Variants in UGGT2 observed in about 807,000 individuals in gnomAD.
The protein encoded by UGGT2 is UDP-glucose:glycoprotein glucosyltransferase 2.
Under a neutral mutation model 192.1 loss-of-function variants are expected in UGGT2, and 180 were observed. The ratio of observed to expected loss-of-function variants is 0.94; its 90% confidence interval spans 0.83 to 1.06. The LOEUF (loss-of-function observed/expected upper bound fraction) is 1.06, where lower values mean the gene tolerates loss of function less well. Among genes scored for constraint, UGGT2 ranks in the 50% least tolerant of loss-of-function variants. The pLI, the probability that UGGT2 is intolerant of heterozygous loss-of-function variation, is 0.00. For missense variants in UGGT2, 1,849 were observed against 1,795.7 expected, an observed-to-expected ratio of 1.03 and a Z score of -0.54; for synonymous variants, 580 against 591.0, an observed-to-expected ratio of 0.98 and a Z score of 0.27.
At chr13:95,833,766 T>C (rs1378374586) in intron 37 of UGGT2, among the ~76,000 whole-genome samples, 1 of 152,168 alleles carries the variant, frequency 6.6e-6, no homozygotes, top group Non-Finnish European at 1.5e-5. Context: ...CACCAGTACC[T>C]TTGGCTTGAG....
At chr13:95,825,131 TG>T (rs1885894001) in intron 38 of UGGT2, among the ~76,000 whole-genome samples, 1 of 152,142 alleles carries the variant, frequency 6.6e-6, no homozygotes. Context: ...CTATCTCCTA[TG>T]GAATTGTAAT....
intron 27 of UGGT2, among the ~76,000 whole-genome samples, chr13:95,883,396 G>T (rs575985416): frequency 5.3e-4 from 81 of 152,216 alleles, no homozygotes; most frequent in African/African-American, 1.8e-3. Flanking sequence ...AGGACAATAA[G>T]GAGAAGGAAG....
At position 95,947,061 on chromosome 13, in the gene UGGT2, T is replaced by C; in HGVS notation, c.1653A>G (p.Ser551=). 6.2e-7 allele frequency: 1 copy of C among 1,605,400 alleles called. No individual in the cohort carries two copies. The highest frequency in any genetic ancestry group is 8.5e-7 in the Non-Finnish European group (1 of 1,177,774). ...FNYIAEEFDI[S]EAFISIVHMY... ...CGTGTACTATAGAAATAAATGCTTC[T>C]GATATATCAAATTCTTCTGCAATAT... is the stretch of plus-strand genomic sequence containing the variant. Residue 551 remains serine (S), a synonymous_variant, in exon 15 of 39, where the codon TCA becomes TCG. Coordinates refer to ENST00000376747, the MANE Select transcript of UGGT2 (RefSeq NM_020121.4).
At chr13:95,985,673 C>T (rs2140878719) in intron 9 of UGGT2, among the ~76,000 whole-genome samples, 1 of 152,230 alleles carries the variant, frequency 6.6e-6, no homozygotes, top group South Asian at 2.1e-4. Context: ...TAATTTTATA[C>T]TCTGTCATCC....
chr13:95,928,095 C>T (rs992404657), intron 17 of UGGT2, among the ~76,000 whole-genome samples: 4 of 152,214 alleles, frequency 2.6e-5, no homozygotes, highest in African/African-American at 7.2e-5. Flanking sequence ...AATCTGATCT[C>T]TCTTTCTTTT....
At chr13:95,854,237 G>C in intron 35 of UGGT2, 78 bp downstream of exon 35, 1 of 1,476,872 alleles carries the variant, frequency 6.8e-7, no homozygotes, top group Non-Finnish European at 9.1e-7. Context: ...AGAAAACTGT[G>C]TAATTTTTAA....
At chr13:95,909,831 C>G (rs963643552) in intron 20 of UGGT2, among the ~76,000 whole-genome samples, 9 of 133,276 alleles carry the variant, frequency 6.8e-5, no homozygotes, top group Middle Eastern at 0.01. Context: ...CTGTTAAGGG[C>G]AACCAGAGAG....
At chr13:95,846,900 G>A (rs1050897720) in intron 36 of UGGT2, among the ~76,000 whole-genome samples, 3 of 150,956 alleles carry the variant, frequency 2.0e-5, no homozygotes, top group Non-Finnish European at 4.4e-5. Flanking sequence ...TCTGTGTGCT[G>A]TCATGTCTCA....
chr13:95,932,378 T>C (rs186364708), intron 17 of UGGT2, among the ~76,000 whole-genome samples: 77 of 149,572 alleles, frequency 5.1e-4, no homozygotes, highest in African/African-American at 1.8e-3. Flanking sequence ...GGGACTGCAT[T>C]CTTGATTTGG....
In UGGT2 at chr13:95,887,936, C is replaced by A; in HGVS notation, c.2994G>T (p.Leu998Phe). 1 of 1,603,950 alleles carries A rather than the reference C, an allele frequency of 6.2e-7. No homozygotes were observed. The highest frequency in any genetic ancestry group is 1.3e-5 in the African/African-American group (1 of 74,854). ...LGKIINMKIK[L>F]FMNCRGRLSE... The stretch of plus-strand genomic sequence containing the variant: ...AAAGCCTGCCCCTACAGTTCATGAA[C>A]AACTTTATCTTCATGTTGATAATCT... Residue 998 changes from leucine (L) to phenylalanine (F), a missense_variant, in exon 26 of 39, where the codon TTG becomes TTT. By Grantham distance (22) the Leu-to-Phe change is conservative. Coordinates refer to ENST00000376747, the MANE Select transcript of UGGT2 (RefSeq NM_020121.4).
intron 16 of UGGT2, 106 bp from the exon 17 acceptor site, chr13:95,937,194 C>T (rs1188878068): frequency 2.3e-6 from 3 of 1,285,738 alleles, no homozygotes; most frequent in South Asian, 1.5e-5. Context: ...TAGGAAAAAA[C>T]ATCCATTTTG....
intron 38 of UGGT2, among the ~76,000 whole-genome samples, chr13:95,813,263 T>C (rs1884663940): frequency 6.6e-6 from 1 of 152,146 alleles, no homozygotes; most frequent in African/African-American, 2.4e-5. Context: ...TGGTTAATGG[T>C]CGTGACCAAA....
chr13:95,806,573 T>C (rs1411155079), intron 38 of UGGT2, among the ~76,000 whole-genome samples: 1 of 152,000 alleles, frequency 6.6e-6, no homozygotes, highest in African/African-American at 2.4e-5. Context: ...TCATATGAAA[T>C]CTTGAGGGAC....
chr13:96,000,593 A>G (rs2051768027), intron 5 of UGGT2, among the ~76,000 whole-genome samples: 1 of 152,236 alleles, frequency 6.6e-6, no homozygotes, highest in Non-Finnish European at 1.5e-5. Flanking sequence ...CTACATTTTG[A>G]ATATCTAGTC....
chr13:95,983,941 A>AGAT, intron 9 of UGGT2, 77 bp from the exon 10 acceptor site: 1 of 915,234 alleles, frequency 1.1e-6, no homozygotes, highest in South Asian at 2.8e-5. Flanking sequence ...ATGTAATCTA[A>AGAT]TACTTTGGAT....
At chr13:95,862,746 G>C (rs1360377800) in intron 31 of UGGT2, among the ~76,000 whole-genome samples, 1 of 152,154 alleles carries the variant, frequency 6.6e-6, no homozygotes, top group Non-Finnish European at 1.5e-5. Flanking sequence ...AAATGGAGGA[G>C]ACACAGAAAA....
At chr13:96,011,163 G>A (rs1314424117) in intron 5 of UGGT2, among the ~76,000 whole-genome samples, 1 of 152,026 alleles carries the variant, frequency 6.6e-6, no homozygotes, top group Non-Finnish European at 1.5e-5. Flanking sequence ...AATAAAATCT[G>A]AATGACCTTG....
Position 95,867,327 on chromosome 13 carries a change from G to A in UGGT2, c.3558+12C>T. 1 of 1,591,372 alleles carries A rather than the reference G, an allele frequency of 6.3e-7. No homozygotes were observed. Among genetic ancestry groups the A allele is most frequent in the Admixed American group, 1.8e-5 (1 of 56,486 alleles). On this transcript the variant is annotated intron_variant, in intron 30 of 38. Transcript: ENST00000376747. ...AAGAACAAAGCCTATAAAAAGTTCT[G>A]CCCCCACATACTTTTACTTTGAGTA...
At chr13:96,014,905 T>G (rs2052279891) in intron 4 of UGGT2, among the ~76,000 whole-genome samples, 2 of 152,124 alleles carry the variant, frequency 1.3e-5, no homozygotes, top group Admixed American at 1.3e-4. Context: ...TAGAAGTACA[T>G]TTAGTAATTT....
Sources: gnomAD v4.1 joint callset for allele counts (sites outside exome capture counted in the v4.1 genomes callset) on GRCh38, gnomAD v4.1.1 for gene constraint, MANE v1.5 for transcripts, NCBI Gene and HGNC (gene_info 2026-07-23, HGNC 2026-07-21) for gene names.